The following WASF3 variants were observed in gnomAD, a reference collection of about 807,000 sequenced individuals.
WASF3 encodes the protein actin-binding protein WASF3.
In WASF3, 11 loss-of-function variants were observed where a neutral mutation model predicts 46.6. The ratio of observed to expected loss-of-function variants is 0.24; its 90% CI spans 0.15 to 0.39. WASF3 has a LOEUF of 0.39. WASF3 is among the 10% of genes least tolerant of loss of function. The pLI is 1.00. For synonymous variants in WASF3, 242 were observed against 259.7 expected (o/e 0.93, Z 0.65); for missense variants, 576 against 669.8 (o/e 0.86, Z 1.55).
upstream of WASF3, among the ~76,000 whole-genome samples, chr13:26,553,709 T>A (rs1003791529): frequency 2.6e-5 from 4 of 151,244 alleles, no homozygotes; most frequent in Non-Finnish European, 4.4e-5. Flanking sequence ...CCCAGCTACT[T>A]GGGAGGCTGA....
intron 1 of WASF3, among the ~76,000 whole-genome samples, chr13:26,568,167 ATTGCAAAGTT>A (rs1879528707): frequency 6.6e-6 from 1 of 152,140 alleles, no homozygotes; most frequent in Non-Finnish European, 1.5e-5. Flanking sequence ...ATGAAAAACC[ATTGCAAAGTT>A]TTGAGCAGGG....
intron 5 of WASF3, among the ~76,000 whole-genome samples, chr13:26,669,530 C>T (rs115669364): frequency 0.02 from 3,037 of 150,320 alleles, 106 homozygotes; most frequent in African/African-American, 0.071. Context: ...TTTTTTGAGA[C>T]GAAGTTTTGC....
intron 3 of WASF3, among the ~76,000 whole-genome samples, chr13:26,655,249 A>C (rs545042196): frequency 5.3e-4 from 80 of 151,952 alleles, no homozygotes; most frequent in African/African-American, 1.3e-3. Context: ...CACTTTTATG[A>C]CCTTGACACT....
At chr13:26,587,418 TTGTC>T (rs1880164074) in intron 1 of WASF3, among the ~76,000 whole-genome samples, 1 of 152,044 alleles carries the variant, frequency 6.6e-6, no homozygotes, top group South Asian at 2.1e-4. Context: ...GCAAGATCAT[TTGTC>T]TGTTTCTTTT....
chr13:26,573,748 A>G (rs1391961038), intron 1 of WASF3, among the ~76,000 whole-genome samples: 1 of 152,188 alleles, frequency 6.6e-6, no homozygotes, highest in Non-Finnish European at 1.5e-5. Context: ...TTGAATTTTC[A>G]CAAAATGAAT....
chr13:26,607,737 GT>G (rs1469579288), intron 1 of WASF3, among the ~76,000 whole-genome samples: 1 of 152,070 alleles, frequency 6.6e-6, no homozygotes, highest in Non-Finnish European at 1.5e-5. Context: ...CCGGGCTCAG[GT>G]GATCCTCCTG....
intron 3 of WASF3, among the ~76,000 whole-genome samples, chr13:26,659,307 C>T (rs958607567): frequency 6.6e-6 from 1 of 152,058 alleles, no homozygotes; most frequent in Admixed American, 6.5e-5. Context: ...AAGGGGGATG[C>T]TTGGGTATGT....
intron 3 of WASF3, among the ~76,000 whole-genome samples, chr13:26,658,408 A>C (rs1033711087): frequency 3.9e-5 from 6 of 152,194 alleles, no homozygotes; most frequent in Admixed American, 3.3e-4. Context: ...CACCAAATGG[A>C]TTCTATAAAA....
At chr13:26,577,223 CA>C in intron 1 of WASF3, 1 of 730,518 alleles carries the variant, frequency 1.4e-6, no homozygotes, top group Middle Eastern at 2.5e-4. Context: ...GTTCCATGGT[CA>C]AAAAATGGCA....
chr13:26,612,449 G>A (rs548412083), intron 1 of WASF3, among the ~76,000 whole-genome samples: 7 of 152,262 alleles, frequency 4.6e-5, no homozygotes, highest in Admixed American at 2.6e-4. Context: ...GGCGTATTTG[G>A]CAGTTATTAA....
intron 2 of WASF3, among the ~76,000 whole-genome samples, chr13:26,627,747 A>G (rs1368745280): frequency 6.6e-6 from 1 of 152,148 alleles, no homozygotes; most frequent in Non-Finnish European, 1.5e-5. Context: ...GCACTTATAT[A>G]TGTATATATT....
chr13:26,589,251 A>C (rs1465604336), intron 1 of WASF3, among the ~76,000 whole-genome samples: 1 of 152,188 alleles, frequency 6.6e-6, no homozygotes, highest in Non-Finnish European at 1.5e-5. Flanking sequence ...AAGAAGTTTC[A>C]ACTTGTTCTA....
At chr13:26,577,615 C>G (rs977332853) in intron 1 of WASF3, 3 of 1,169,204 alleles carry the variant, frequency 2.6e-6, no homozygotes, top group Admixed American at 3.4e-5. Flanking sequence ...CCACTGGGAG[C>G]AAGACAGGTG....
chr13:26,631,554 A>G lies in WASF3; in HGVS notation c.-10-10707A>G, dbSNP rs56041366. On this transcript the variant is annotated intron_variant, in intron 2 of 9. Transcript: ENST00000335327. ...ATATCTCTGTTTTGGTACCAGTACC[A>G]TGCTGTTTTGGTTACTGTAGGCTTG... Among the ~76,000 whole-genome samples the G allele has an allele frequency of 8.9e-3, 1,356 of 152,242 alleles. 10 individuals are homozygous for G. Among genetic ancestry groups the G allele is most frequent in the Middle Eastern group, 0.017 (5 of 294 alleles).
intron 1 of WASF3, among the ~76,000 whole-genome samples, chr13:26,593,944 A>AT (rs1487947872): frequency 3.3e-5 from 5 of 152,338 alleles, no homozygotes; most frequent in African/African-American, 1.2e-4. Context: ...TATTACATAC[A>AT]TAACACTGAA....
chr13:26,583,566 C>T (rs663038), intron 1 of WASF3, among the ~76,000 whole-genome samples: 128,670 of 152,216 alleles, frequency 0.85, 54,410 homozygotes, highest in East Asian at 0.9. Context: ...ATTGAAAATT[C>T]CTTATTTCAT....
At chr13:26,596,348 AAAG>A (rs1203016420) in intron 1 of WASF3, among the ~76,000 whole-genome samples, 1 of 151,976 alleles carries the variant, frequency 6.6e-6, no homozygotes, top group African/African-American at 2.4e-5. Context: ...TTTTTTAAAA[AAAG>A]CTAGTTTTGA....
chr13:26,660,498 C>T (rs2137454601), intron 3 of WASF3, among the ~76,000 whole-genome samples: 1 of 151,948 alleles, frequency 6.6e-6, no homozygotes, highest in African/African-American at 2.4e-5. Context: ...TGGGTCAGCC[C>T]TTTCATAGAG....
chr13:26,584,893 T>G (rs529394568), intron 1 of WASF3, among the ~76,000 whole-genome samples: 1 of 152,336 alleles, frequency 6.6e-6, no homozygotes, highest in East Asian at 1.9e-4. Flanking sequence ...AATTAAAATA[T>G]GAAAGCTGTT....
Sources: allele counts gnomAD v4.1 joint callset (sites outside exome capture counted in the v4.1 genomes callset), GRCh38; gene constraint gnomAD v4.1.1; transcripts MANE v1.5; gene names NCBI Gene and HGNC (gene_info 2026-07-23, HGNC 2026-07-21).